CHD1: variants seen among roughly 807,000 people sequenced by gnomAD.
CHD1 encodes ATP-dependent chromatin remodeler CHD1.
In CHD1, 36 loss-of-function variants were observed where a neutral mutation model predicts 224.2. The ratio of observed to expected loss-of-function variants is 0.16; its 90% confidence interval spans 0.12 to 0.21. The LOEUF (loss-of-function observed/expected upper bound fraction) is 0.21, where lower values mean the gene tolerates loss of function less well. Ranked by LOEUF, CHD1 falls within the 10% of genes least tolerant of loss-of-function variation. The pLI, the probability that CHD1 is intolerant of heterozygous loss-of-function variation, is 1.00. For missense variants in CHD1, 1,378 were observed against 1,994.8 expected (o/e 0.69, Z 5.89); for synonymous variants, 668 against 658.3 (o/e 1.01, Z -0.23).
intron 6 of CHD1, 47 bp downstream of exon 6, chr5:98,901,139 A>G: frequency 6.3e-7 from 1 of 1,583,276 alleles, no homozygotes; most frequent in Non-Finnish European, 8.5e-7. Flanking sequence ...TACAAAAAGA[A>G]CAAATACTTT....
chr5:98,910,764 T>C (rs1752336982), intron 2 of CHD1, among the ~76,000 whole-genome samples: 1 of 152,104 alleles, frequency 6.6e-6, no homozygotes, highest in Non-Finnish European at 1.5e-5. Flanking sequence ...TCTGCAGTAG[T>C]GGACATATTA....
chr5:98,900,020 C>T (rs1751592105), intron 7 of CHD1, among the ~76,000 whole-genome samples: 3 of 152,128 alleles, frequency 2.0e-5, no homozygotes, highest in South Asian at 2.1e-4. Context: ...CGGTGGCTCA[C>T]GCCTGTAATC....
intron 5 of CHD1, 92 bp downstream of exon 5, chr5:98,902,808 T>C: frequency 4.2e-6 from 3 of 711,774 alleles, no homozygotes; most frequent in East Asian, 5.6e-5. Flanking sequence ...TTTAGAAGAG[T>C]CTCCTTTTGG....
At chr5:98,860,378 CAG>C (rs1043862012) in intron 32 of CHD1, 3 of 334,098 alleles carry the variant, frequency 9.0e-6, no homozygotes, top group African/African-American at 6.5e-5. Context: ...GGAAGTGACT[CAG>C]ATTCATATTG....
intron 2 of CHD1, among the ~76,000 whole-genome samples, chr5:98,909,908 G>C (rs1752280321): frequency 6.6e-6 from 1 of 152,168 alleles, no homozygotes; most frequent in Admixed American, 6.5e-5. Flanking sequence ...GACAAGACCT[G>C]AAGTAGTCTT....
rs1580434515 is a variant in CHD1 at position 98,888,329 on chromosome 5, T to C, written c.2344-89A>G. 9 of 944,166 alleles carry C rather than the reference T, an allele frequency of 9.5e-6. 1 individual carries two copies. In the South Asian group the frequency reaches 1.3e-4, roughly 14 times the overall value. The allele number at this position is 944,166 out of a possible 1,614,324, so 58.5% of individuals were successfully genotyped here. ...CTTTAGTTGCCTGAATTATTTTAAA[T>C]TGAGATTTTAAATTTTCATGTTAGA... On this transcript the variant is annotated intron_variant, in intron 16 of 35. Coordinates refer to ENST00000614616, the MANE Select transcript of CHD1 (RefSeq NM_001270.4).
At chr5:98,922,481 A>AT (rs1017354119) in intron 2 of CHD1, among the ~76,000 whole-genome samples, 21 of 151,084 alleles carry the variant, frequency 1.4e-4, no homozygotes, top group East Asian at 5.8e-4. Context: ...ATAGTTAAAA[A>AT]TTTTTTTTTT....
Position 98,863,548 on chromosome 5 carries a change from T to C in CHD1, c.4287A>G (p.Lys1429=). The stretch of plus-strand genomic sequence containing the variant: ...GGCCTTTCTCAGGCCTATCAAGTTG[T>C]TTCAAAGCTGCTTTAACAGGCCTCA... ...ERMRPVKAAL[K]QLDRPEKGLS... The change falls in exon 32 of 36, where the codon AAA becomes AAG. Residue 1429 remains lysine (K), a synonymous_variant. Transcript: ENST00000614616. The C allele has an allele frequency of 6.2e-7, 1 of 1,608,886 alleles. No individual in the cohort carries two copies. Among genetic ancestry groups the C allele is most frequent in the South Asian group, 1.1e-5 (1 of 89,970 alleles).
At chr5:98,864,517 CAAAA>C (rs67061692) in intron 31 of CHD1, among the ~76,000 whole-genome samples, 2 of 58,136 alleles carry the variant, frequency 3.4e-5, no homozygotes, top group African/African-American at 1.2e-4. Context: ...GATTCTATAC[CAAAA>C]AAAAAAAAAA....
At chr5:98,893,169 A>G (rs940251422) in intron 14 of CHD1, among the ~76,000 whole-genome samples, 1 of 152,320 alleles carries the variant, frequency 6.6e-6, no homozygotes, top group Middle Eastern at 3.4e-3. Flanking sequence ...CAAACAAGGT[A>G]TATTTTGAAA....
chr5:98,868,389 T>G, intron 31 of CHD1, 106 bp downstream of exon 31: 1 of 657,876 alleles, frequency 1.5e-6, no homozygotes, highest in East Asian at 4.1e-5. Flanking sequence ...CTTTTATCAA[T>G]CTACAATAAA....
intron 23 of CHD1, 85 bp from the exon 24 acceptor site, chr5:98,876,643 A>C: frequency 1.7e-6 from 2 of 1,186,742 alleles, no homozygotes; most frequent in Non-Finnish European, 2.4e-6. Flanking sequence ...GATGGTCGGA[A>C]TCTTAAAAAT....
Position 98,854,065 on chromosome 5 carries a change from T to C in CHD1, c.*2315A>G, listed in dbSNP as rs1338092182. Reference sequence around the variant, plus strand: ...TACATAATCTCTCACCCTTGAAAAATTAAACATAACTGGATAAAAATAACA... The same window carrying C: ...TACATAATCTCTCACCCTTGAAAAACTAAACATAACTGGATAAAAATAACA... On this transcript the variant is annotated 3_prime_UTR_variant, in exon 36 of 36. Coordinates refer to ENST00000614616, the MANE Select transcript of CHD1 (RefSeq NM_001270.4). 1.3e-5 allele frequency: 2 copies of C among 151,982 alleles called. No homozygotes were observed. The highest frequency in any genetic ancestry group is 2.4e-5 in the African/African-American group (1 of 41,432). 9.4% of individuals were successfully genotyped at this position (151,982 alleles called of 1,614,324 possible).
intron 2 of CHD1, among the ~76,000 whole-genome samples, chr5:98,914,770 G>C (rs1486489845): frequency 6.6e-6 from 1 of 152,120 alleles, no homozygotes; most frequent in Non-Finnish European, 1.5e-5. Flanking sequence ...ATGTCCTTTA[G>C]GTAGCCATTC....
intron 2 of CHD1, among the ~76,000 whole-genome samples, chr5:98,911,130 G>GAAAAAA (rs11451331): frequency 1.1e-3 from 50 of 44,028 alleles, no homozygotes; most frequent in South Asian, 1.8e-3. Context: ...GTGCTAAAAT[G>GAAAAAA]AAAAAAAAAA....
In CHD1 at chr5:98,881,124, A is replaced by C; in HGVS notation, c.3012T>G (p.Asn1004Lys). The C allele has an allele frequency of 6.2e-7, 1 of 1,611,554 alleles. No homozygotes were observed. The highest frequency in any genetic ancestry group is 8.5e-7 in the Non-Finnish European group (1 of 1,178,718). ...EILKRAETHE[N>K]EPGPLTVGDE... ...CTCCTACAGTTAAAGGACCTGGTTC[A>C]TTTTCATGAGTTTCAGCTCTCTTCA... is the stretch of plus-strand genomic sequence containing the variant. The change falls in exon 22 of 36, where the codon AAT becomes AAG. Residue 1004 changes from asparagine to lysine, a missense_variant. By Grantham distance (94) the Asn-to-Lys change is moderately conservative. Around this residue, in one of 16 missense-constraint regions of CHD1, gnomAD observed 286 missense variants for 445.1 expected, o/e 0.64. Coordinates refer to ENST00000614616, the MANE Select transcript of CHD1 (RefSeq NM_001270.4).
chr5:98,907,531 T>C lies in CHD1; in HGVS notation c.54-2433A>G, dbSNP rs916718374. 4.3e-5 allele frequency among the ~76,000 whole-genome samples: 6 copies of C among 138,822 alleles called. No individual in the cohort carries two copies. In the East Asian group the frequency reaches 1.2e-3, roughly 28 times the overall value. 91.1% of individuals were successfully genotyped at this position (138,822 alleles called of 152,430 possible). ...TGAACCCTGGAGGCGGAGGTTGCAGTGAGCCAAGTTCACGCCATTGCACTC... is the reference window on the plus strand; with the variant it reads ...TGAACCCTGGAGGCGGAGGTTGCAGCGAGCCAAGTTCACGCCATTGCACTC... On this transcript the variant is annotated intron_variant, in intron 2 of 35. Transcript: ENST00000614616.
At chr5:98,928,496 CCT>C (rs984440425) in intron 1 of CHD1, 41 bp downstream of exon 1, 1 of 152,338 alleles carries the variant, frequency 6.6e-6, no homozygotes, top group African/African-American at 2.4e-5. Flanking sequence ...CGGTTCCTGT[CCT>C]CTCCGCCACA....
At chr5:98,867,495 T>C (rs1002011384) in intron 31 of CHD1, among the ~76,000 whole-genome samples, 3 of 152,190 alleles carry the variant, frequency 2.0e-5, no homozygotes, top group African/African-American at 7.2e-5. Context: ...AAAAAATATA[T>C]TGGTCTGCAA....
Sources: allele counts gnomAD v4.1 joint callset (sites outside exome capture counted in the v4.1 genomes callset), GRCh38; gene constraint gnomAD v4.1.1; regional missense constraint gnomAD v4.1.1; transcripts MANE v1.5; gene names NCBI Gene and HGNC (gene_info 2026-07-23, HGNC 2026-07-21).